Variants in CNTNAP2 observed in about 807,000 individuals in gnomAD.
CNTNAP2 encodes the protein contactin associated protein 2, also known as contactin-associated protein-like 2.
A neutral mutation model predicts 155.2 loss-of-function variants in CNTNAP2; 98 were observed. The ratio of observed to expected loss-of-function variants is 0.63; its 90% CI spans 0.54 to 0.75. The LOEUF (loss-of-function observed/expected upper bound fraction) is 0.75, where lower values mean the gene tolerates loss of function less well. Ranked by LOEUF, CNTNAP2 falls within the 30% of genes least tolerant of loss-of-function variation. The pLI is 0.00. For missense variants in CNTNAP2, 1,727 were observed against 1,688.1 expected (o/e 1.02, Z -0.40); for synonymous variants, 651 against 631.2 (o/e 1.03, Z -0.47).
At chr7:147,124,512 G>A (rs192821916) in intron 6 of CNTNAP2, among the ~76,000 whole-genome samples, 13 of 152,274 alleles carry the variant, frequency 8.5e-5, no homozygotes, top group Admixed American at 7.8e-4. Context: ...ATGGAACTGA[G>A]CAGGGAGTTG....
At chr7:146,360,148 T>A (rs1288071481) in intron 1 of CNTNAP2, among the ~76,000 whole-genome samples, 3 of 152,230 alleles carry the variant, frequency 2.0e-5, no homozygotes, top group Admixed American at 6.5e-5. Context: ...CTGAATTTTC[T>A]ATTTTCTTTC....
intron 1 of CNTNAP2, among the ~76,000 whole-genome samples, chr7:146,620,892 TATC>T (rs1321185275): frequency 1.3e-5 from 2 of 152,192 alleles, no homozygotes; most frequent in Non-Finnish European, 2.9e-5. Flanking sequence ...TAATTCTAAA[TATC>T]ATGTGGCAAG....
At chr7:147,235,561 A>T (rs1024039626) in intron 8 of CNTNAP2, among the ~76,000 whole-genome samples, 1 of 151,974 alleles carries the variant, frequency 6.6e-6, no homozygotes, top group Non-Finnish European at 1.5e-5. Context: ...TCTCACATTT[A>T]TTTCTTTATG....
At chr7:148,236,642 C>G (rs941124582) in intron 20 of CNTNAP2, among the ~76,000 whole-genome samples, 47 of 152,256 alleles carry the variant, frequency 3.1e-4, no homozygotes, top group Non-Finnish European at 4.4e-5. Context: ...CTATATTAGT[C>G]TGTCTTGCAC....
At chr7:147,758,837 A>T (rs897988106) in intron 13 of CNTNAP2, among the ~76,000 whole-genome samples, 1 of 152,112 alleles carries the variant, frequency 6.6e-6, no homozygotes, top group Admixed American at 6.6e-5. Context: ...AGAGTGAGAC[A>T]CTGTCTCAAA....
At chr7:147,138,627 T>C (rs1305392334) in intron 8 of CNTNAP2, among the ~76,000 whole-genome samples, 2 of 151,938 alleles carry the variant, frequency 1.3e-5, no homozygotes, top group South Asian at 2.1e-4. Flanking sequence ...AGAAGCATTA[T>C]AGTGCAGAAT....
chr7:147,145,162 C>T (rs1801676182), intron 8 of CNTNAP2, among the ~76,000 whole-genome samples: 1 of 152,138 alleles, frequency 6.6e-6, no homozygotes, highest in East Asian at 1.9e-4. Context: ...GCAATTCCTA[C>T]CATTTCTAAT....
At chr7:146,279,061 T>C (rs1800208661) in intron 1 of CNTNAP2, among the ~76,000 whole-genome samples, 1 of 152,180 alleles carries the variant, frequency 6.6e-6, no homozygotes, top group Non-Finnish European at 1.5e-5. Context: ...GAAGATATGC[T>C]GTCTTCACTG....
chr7:147,831,020 T>C (rs1798537630), intron 13 of CNTNAP2, among the ~76,000 whole-genome samples: 1 of 152,224 alleles, frequency 6.6e-6, no homozygotes, highest in Non-Finnish European at 1.5e-5. Flanking sequence ...ACAGAAATCT[T>C]AATCTTTGAG....
At chr7:146,654,106 G>T (rs960848984) in intron 1 of CNTNAP2, among the ~76,000 whole-genome samples, 8 of 151,918 alleles carry the variant, frequency 5.3e-5, no homozygotes, top group Admixed American at 3.9e-4. Context: ...TTACCCATTT[G>T]GTCTTTAATG....
chr7:146,755,298 A>G (rs1801976758), intron 1 of CNTNAP2, among the ~76,000 whole-genome samples: 1 of 152,074 alleles, frequency 6.6e-6, no homozygotes, highest in African/African-American at 2.4e-5. Flanking sequence ...AGGAAATTAT[A>G]TTCTGAACAG....
At chr7:146,900,405 T>C (rs1361168559) in intron 3 of CNTNAP2, among the ~76,000 whole-genome samples, 2 of 152,208 alleles carry the variant, frequency 1.3e-5, no homozygotes, top group Non-Finnish European at 2.9e-5. Context: ...GTCAATTCAT[T>C]TGAAAGTTTT....
intron 9 of CNTNAP2, among the ~76,000 whole-genome samples, chr7:147,342,182 C>T (rs1795777373): frequency 6.6e-6 from 1 of 152,126 alleles, no homozygotes; most frequent in Non-Finnish European, 1.5e-5. Context: ...AAGGTCCCAT[C>T]TCCAAATCCC....
At chr7:146,875,492 G>A (rs1207906734) in intron 3 of CNTNAP2, among the ~76,000 whole-genome samples, 1 of 151,994 alleles carries the variant, frequency 6.6e-6, no homozygotes, top group Non-Finnish European at 1.5e-5. Context: ...AAAGTGCTTT[G>A]CCAGTTTTAA....
chr7:148,209,136 T>C (rs895745126), intron 18 of CNTNAP2, among the ~76,000 whole-genome samples: 2 of 152,186 alleles, frequency 1.3e-5, no homozygotes, highest in Non-Finnish European at 2.9e-5. Context: ...CTGAACTTTG[T>C]TGTTGTTGAA....
At chr7:148,048,645 C>T (rs951925512) in intron 15 of CNTNAP2, among the ~76,000 whole-genome samples, 1 of 152,024 alleles carries the variant, frequency 6.6e-6, no homozygotes, top group Non-Finnish European at 1.5e-5. Flanking sequence ...GAGGGGAATT[C>T]GAGAAGATCA....
chr7:146,827,988 A>G (rs1803439260), intron 2 of CNTNAP2, among the ~76,000 whole-genome samples: 1 of 152,128 alleles, frequency 6.6e-6, no homozygotes, highest in Non-Finnish European at 1.5e-5. Flanking sequence ...TATATGACAT[A>G]TCTGGTTTTC....
chr7:146,990,867 T>C (rs537916661), intron 3 of CNTNAP2, among the ~76,000 whole-genome samples: 2 of 152,172 alleles, frequency 1.3e-5, no homozygotes, highest in South Asian at 4.1e-4. Context: ...GAAGGGATCA[T>C]AGACAAGGAG....
intron 13 of CNTNAP2, among the ~76,000 whole-genome samples, chr7:147,877,687 C>A (rs1261850091): frequency 6.6e-6 from 1 of 151,918 alleles, no homozygotes; most frequent in African/African-American, 2.4e-5. Context: ...TTCATTTTTT[C>A]TAATTACAAA....
Sources: gnomAD v4.1 joint callset for allele counts (sites outside exome capture counted in the v4.1 genomes callset) on GRCh38, gnomAD v4.1.1 for gene constraint, MANE v1.5 for transcripts, NCBI Gene and HGNC (gene_info 2026-07-23, HGNC 2026-07-21) for gene names.